The following CNOT6L variants were observed in gnomAD, a reference collection of about 807,000 sequenced individuals.
The protein encoded by CNOT6L is CCR4-NOT transcription complex subunit 6 like.
CNOT6L carries 7 observed loss-of-function variants against 64.0 expected under a neutral mutation model. The observed-to-expected ratio is 0.11, with a 90% CI of 0.06 to 0.21. The LOEUF is 0.21. Ranked by LOEUF, CNOT6L falls within the 10% of genes least tolerant of loss-of-function variation. CNOT6L has a pLI of 1.00. For synonymous variants in CNOT6L, 193 were observed against 243.4 expected, an observed-to-expected ratio of 0.79 and a Z score of 1.93; for missense variants, 245 against 669.0, an observed-to-expected ratio of 0.37 and a Z score of 6.99.
intron 1 of CNOT6L, among the ~76,000 whole-genome samples, chr4:77,796,945 C>T (rs557423689): frequency 6.6e-6 from 1 of 151,502 alleles, no homozygotes; most frequent in East Asian, 1.9e-4. Context: ...ATTAGCTGGG[C>T]ATGGTGGTGT....
chr4:77,743,875 T>C (rs1723892655), intron 7 of CNOT6L, among the ~76,000 whole-genome samples: 1 of 152,156 alleles, frequency 6.6e-6, no homozygotes, highest in South Asian at 2.1e-4. Flanking sequence ...GTACTGGGAC[T>C]ATAGGCGTGA....
chr4:77,818,043 T>A (rs1733767371), intron 1 of CNOT6L, among the ~76,000 whole-genome samples: 1 of 152,236 alleles, frequency 6.6e-6, no homozygotes, highest in Admixed American at 6.5e-5. Context: ...CAAAATAGCT[T>A]TCCAGCAGCA....
intron 4 of CNOT6L, among the ~76,000 whole-genome samples, chr4:77,771,149 G>A (rs1301337297): frequency 2.0e-5 from 3 of 152,020 alleles, no homozygotes; most frequent in Admixed American, 6.6e-5. Context: ...GAGAAGCCCC[G>A]ACTCTACTAA....
At chr4:77,762,206 A>G (rs995764366) in intron 4 of CNOT6L, among the ~76,000 whole-genome samples, 3 of 152,198 alleles carry the variant, frequency 2.0e-5, no homozygotes, top group African/African-American at 7.2e-5. Flanking sequence ...TCAGCAGGAT[A>G]TTTTGCATAA....
intron 1 of CNOT6L, among the ~76,000 whole-genome samples, chr4:77,806,177 G>C (rs1031598182): frequency 6.6e-6 from 1 of 152,146 alleles, no homozygotes; most frequent in African/African-American, 2.4e-5. Flanking sequence ...TATAATCCCA[G>C]CACTTTGGGA....
chr4:77,754,399 C>T (rs1025631858), intron 5 of CNOT6L, among the ~76,000 whole-genome samples: 3 of 152,172 alleles, frequency 2.0e-5, no homozygotes, highest in African/African-American at 7.2e-5. Flanking sequence ...TACATAGAAA[C>T]TTAAAACTAC....
At chr4:77,807,619 G>A (rs1344927325) in intron 1 of CNOT6L, among the ~76,000 whole-genome samples, 1 of 152,172 alleles carries the variant, frequency 6.6e-6, no homozygotes, top group Non-Finnish European at 1.5e-5. Flanking sequence ...CATATATAAA[G>A]CACAGACCAC....
rs1720835266 is a variant in CNOT6L at position 77,717,177 on chromosome 4, A to ATATT, written c.*3250_*3253dup. On this transcript the variant is annotated 3_prime_UTR_variant, in exon 12 of 12. Transcript: ENST00000504123. ...TGCTTAAAAGTTGACACCAGGCACA[A>ATATT]TATTTTAAAACAAAATCAACGAGCA... The ATATT allele has an allele frequency of 6.6e-6, 1 of 152,612 alleles. No homozygotes were observed. Among genetic ancestry groups the ATATT allele is most frequent in the African/African-American group, 2.4e-5 (1 of 41,532 alleles). 9.5% of individuals were successfully genotyped at this position (152,612 alleles called of 1,614,324 possible).
At chr4:77,818,835 C>T (rs983148185) in intron 1 of CNOT6L, 20 of 225,476 alleles carry the variant, frequency 8.9e-5, no homozygotes, top group South Asian at 5.4e-4. Flanking sequence ...CAGGCCGGCG[C>T]GCTTCCTGCC....
chr4:77,727,811 C>A (rs902769120), intron 10 of CNOT6L, among the ~76,000 whole-genome samples: 1 of 152,010 alleles, frequency 6.6e-6, no homozygotes, highest in Non-Finnish European at 1.5e-5. Context: ...GGTTAAAGTG[C>A]CAATTAGGCT....
chr4:77,748,693 T>G (rs189726817), intron 5 of CNOT6L, among the ~76,000 whole-genome samples: 1 of 152,208 alleles, frequency 6.6e-6, no homozygotes, highest in Non-Finnish European at 1.5e-5. Flanking sequence ...ATTATATATG[T>G]AAATTGTATT....
chr4:77,718,365 AC>A lies in CNOT6L; in HGVS notation c.*2065del, dbSNP rs1296758547. 2 of 152,600 alleles carry A rather than the reference AC, an allele frequency of 1.3e-5. No homozygotes were observed. The highest frequency in any genetic ancestry group is 2.9e-5 in the Non-Finnish European group (2 of 68,030). 9.5% of individuals were successfully genotyped at this position (152,600 alleles called of 1,614,324 possible). A position where few individuals can be genotyped will look rare whatever the true frequency, so the allele number is the denominator to read the frequency against. On this transcript the variant is annotated 3_prime_UTR_variant, in exon 12 of 12. Coordinates refer to ENST00000504123, the MANE Select transcript of CNOT6L (RefSeq NM_144571.3). The stretch of plus-strand genomic sequence containing the variant: ...AAAATTAAGTTTTTCATGCTATTCT[AC>A]TTTCCAGTACTATGCTTCAGGTAAT...
At chr4:77,803,759 C>T (rs935650338) in intron 1 of CNOT6L, among the ~76,000 whole-genome samples, 1 of 151,962 alleles carries the variant, frequency 6.6e-6, no homozygotes, top group Non-Finnish European at 1.5e-5. Flanking sequence ...CAAAATTAGC[C>T]GGGTGTGGTG....
intron 1 of CNOT6L, among the ~76,000 whole-genome samples, chr4:77,787,084 G>A (rs576721388): frequency 6.6e-6 from 1 of 152,024 alleles, no homozygotes; most frequent in South Asian, 2.1e-4. Flanking sequence ...TGGCCAACAT[G>A]GCGAAACCCC....
chr4:77,736,890 C>CA (rs1198416598), intron 8 of CNOT6L, among the ~76,000 whole-genome samples: 6 of 151,748 alleles, frequency 4.0e-5, no homozygotes, highest in African/African-American at 7.3e-5. Flanking sequence ...CTGCTATGAC[C>CA]AAAAAATCCC....
chr4:77,799,498 A>G (rs954400177), intron 1 of CNOT6L, among the ~76,000 whole-genome samples: 1 of 152,034 alleles, frequency 6.6e-6, no homozygotes, highest in Non-Finnish European at 1.5e-5. Flanking sequence ...TGAGGTCAAG[A>G]GTTCGAGACT....
chr4:77,802,763 C>T (rs532269150), intron 1 of CNOT6L, among the ~76,000 whole-genome samples: 41 of 152,318 alleles, frequency 2.7e-4, no homozygotes, highest in African/African-American at 9.6e-4. Flanking sequence ...AGGTGAGATA[C>T]AGAGAAGTTG....
intron 1 of CNOT6L, among the ~76,000 whole-genome samples, chr4:77,818,509 A>T (rs761232740): frequency 6.6e-5 from 10 of 152,090 alleles, no homozygotes; most frequent in Non-Finnish European, 1.3e-4. Context: ...ATATTTACTC[A>T]GTCCCTCCAC....
chr4:77,779,125 C>G (rs1728548086), intron 1 of CNOT6L, among the ~76,000 whole-genome samples: 2 of 148,378 alleles, frequency 1.3e-5, no homozygotes, highest in Admixed American at 1.4e-4. Context: ...CTGTTTTAAT[C>G]ACGGCTCCCA....
Sources: allele counts gnomAD v4.1 joint callset (sites outside exome capture counted in the v4.1 genomes callset), GRCh38; gene constraint gnomAD v4.1.1; transcripts MANE v1.5; gene names NCBI Gene and HGNC (gene_info 2026-07-23, HGNC 2026-07-21).